Variants in GNG4 observed in about 807,000 individuals in gnomAD.
The protein encoded by GNG4 is guanine nucleotide-binding protein G(I)/G(S)/G(O) subunit gamma-4.
In GNG4, 4 loss-of-function variants were observed where a neutral mutation model predicts 5.8. The ratio of observed to expected loss-of-function variants is 0.69; its 90% CI spans 0.34 to 1.57. The LOEUF (loss-of-function observed/expected upper bound fraction) is 1.57, where lower values mean the gene tolerates loss of function less well. Among genes scored for constraint, GNG4 ranks in the 40% most tolerant of loss-of-function variants. GNG4 has a pLI of 0.06. For synonymous variants in GNG4, 29 were observed against 32.9 expected (o/e 0.88, Z 0.41); for missense variants, 96 against 95.1 (o/e 1.01, Z -0.04).
At position 235,648,821 on chromosome 1, in the gene GNG4, C is replaced by A. The variant is rs978990632; in HGVS notation, c.-123+841G>T. On this transcript the variant is annotated intron_variant, in intron 1 of 3. Coordinates refer to ENST00000391854, the MANE Select transcript of GNG4 (RefSeq NM_001098722.2). The surrounding 1 kb of genome is among the most constrained non-coding windows in gnomAD (Gnocchi z 5.0). Reference sequence around the variant, plus strand: ...GGGGCCGGGGAGACGGTGGGAGGCCCGGCGTCCATCATCCACTTTATTACT... The same window carrying A: ...GGGGCCGGGGAGACGGTGGGAGGCCAGGCGTCCATCATCCACTTTATTACT... Among the ~76,000 whole-genome samples, 7 of 152,164 alleles carry A rather than the reference C, an allele frequency of 4.6e-5. No individual in the cohort carries two copies. Among genetic ancestry groups the A allele is most frequent in the African/African-American group, 1.7e-4 (7 of 41,438 alleles).
intron 2 of GNG4, among the ~76,000 whole-genome samples, chr1:235,595,142 G>C (rs577712432): frequency 6.6e-6 from 1 of 152,178 alleles, no homozygotes; most frequent in African/African-American, 2.4e-5. Context: ...CTCCTCCCCT[G>C]CTCCCCCAAC....
chr1:235,627,165 T>G (rs2102980443), intron 1 of GNG4, among the ~76,000 whole-genome samples: 1 of 152,092 alleles, frequency 6.6e-6, no homozygotes, highest in Non-Finnish European at 1.5e-5. Context: ...CCTGGGGTTT[T>G]CACACCTGTG....
chr1:235,611,281 C>A (rs565875003), intron 1 of GNG4, among the ~76,000 whole-genome samples: 1 of 151,914 alleles, frequency 6.6e-6, no homozygotes, highest in Non-Finnish European at 1.5e-5. Context: ...GATCCTCCCA[C>A]CTCAGCCACC....
At chr1:235,627,239 T>C (rs1688835212) in intron 1 of GNG4, among the ~76,000 whole-genome samples, 1 of 152,020 alleles carries the variant, frequency 6.6e-6, no homozygotes, top group Non-Finnish European at 1.5e-5. Context: ...TTTTGTTTTT[T>C]TGAGACAGAG....
chr1:235,575,577 A>G (rs543557072), intron 3 of GNG4, among the ~76,000 whole-genome samples: 1 of 152,252 alleles, frequency 6.6e-6, no homozygotes, highest in Non-Finnish European at 1.5e-5. Context: ...CCTTGTAGGA[A>G]TTGTGAGCAC....
chr1:235,588,635 C>G (rs978908175), intron 2 of GNG4, among the ~76,000 whole-genome samples: 2 of 152,114 alleles, frequency 1.3e-5, no homozygotes, highest in Admixed American at 6.5e-5. Context: ...CATCCACAAT[C>G]CAGCCTCTGC....
intron 1 of GNG4, among the ~76,000 whole-genome samples, chr1:235,640,407 G>C (rs1245712069): frequency 6.6e-6 from 1 of 152,186 alleles, no homozygotes; most frequent in African/African-American, 2.4e-5. Flanking sequence ...CAGGGGATGA[G>C]GCCCAAGAAG....
intron 3 of GNG4, among the ~76,000 whole-genome samples, chr1:235,563,767 A>G (rs1188536416): frequency 6.6e-6 from 1 of 152,212 alleles, no homozygotes; most frequent in Non-Finnish European, 1.5e-5. Flanking sequence ...GGGAAAAGAC[A>G]TTAGGAGCTT....
intron 3 of GNG4, among the ~76,000 whole-genome samples, chr1:235,574,760 A>G (rs933749251): frequency 1.2e-4 from 18 of 151,728 alleles, no homozygotes; most frequent in African/African-American, 4.4e-4. Context: ...TTTTCTCTAC[A>G]TTTTTCTTAG....
chr1:235,634,520 G>A (rs1023723031), intron 1 of GNG4, among the ~76,000 whole-genome samples: 4 of 152,170 alleles, frequency 2.6e-5, no homozygotes, highest in African/African-American at 4.8e-5. Flanking sequence ...AGTCATTTGC[G>A]CAGATGGGCT....
chr1:235,552,281 G>T (rs1158274194), intron 3 of GNG4, 44 bp from the exon 4 acceptor site: 16 of 1,599,844 alleles, frequency 1.0e-5, no homozygotes, highest in Non-Finnish European at 1.4e-5. Flanking sequence ...AGGCCCCTTT[G>T]CAGAGTGAGT....
chr1:235,573,329 TGGGGGGA>T (rs1266495440), intron 3 of GNG4, among the ~76,000 whole-genome samples: 1 of 38,938 alleles, frequency 2.6e-5, no homozygotes. Flanking sequence ...TGTCAAGGGG[TGGGGGGA>T]GGGGGGAGGG....
chr1:235,580,894 G>A (rs964885538), intron 3 of GNG4, among the ~76,000 whole-genome samples: 1 of 151,974 alleles, frequency 6.6e-6, no homozygotes, highest in Non-Finnish European at 1.5e-5. Context: ...GGGATTACAG[G>A]CACACGTCAC....
chr1:235,607,998 C>T (rs570869677), intron 1 of GNG4, among the ~76,000 whole-genome samples: 2 of 148,378 alleles, frequency 1.3e-5, no homozygotes, highest in African/African-American at 2.5e-5. Flanking sequence ...AGTGCGGTGG[C>T]GTGATCTTGG....
rs918755597 is a variant in GNG4, at chr1:235,644,189, C to T, written c.-123+5473G>A. On this transcript the variant is annotated intron_variant, in intron 1 of 3. Coordinates refer to ENST00000391854, the MANE Select transcript of GNG4 (RefSeq NM_001098722.2). The surrounding 1 kb of genome is among the most constrained non-coding windows in gnomAD (Gnocchi z 5.9). ...AGAGGTCCAGATCAGCAAAAGAGGC[C>T]AGTGACTCTGTCTCCATCAGATAAA... is the stretch of plus-strand genomic sequence containing the variant. 1.3e-5 allele frequency among the ~76,000 whole-genome samples: 2 copies of T among 152,312 alleles called. No individual in the cohort carries two copies. The highest frequency in any genetic ancestry group is 2.9e-5 in the Non-Finnish European group (2 of 68,028).
chr1:235,643,034 G>A (rs1357314077), intron 1 of GNG4, among the ~76,000 whole-genome samples: 1 of 152,148 alleles, frequency 6.6e-6, no homozygotes, highest in Non-Finnish European at 1.5e-5. Flanking sequence ...GACTGACGCT[G>A]GGGCCGGGGC....
rs746653832 is a variant in GNG4, at chr1:235,644,882, T to A, written c.-123+4780A>T. 3.3e-5 allele frequency among the ~76,000 whole-genome samples: 5 copies of A among 152,080 alleles called. No individual in the cohort carries two copies. The highest frequency in any genetic ancestry group is 6.5e-5 in the Admixed American group (1 of 15,270). ...GAGGATGCCAGTTGTTGGGTGTAGCTGGACCTTCCTATAGACAGGGAGCCA... is the reference window on the plus strand; with the variant it reads ...GAGGATGCCAGTTGTTGGGTGTAGCAGGACCTTCCTATAGACAGGGAGCCA... On this transcript the variant is annotated intron_variant, in intron 1 of 3. Coordinates refer to ENST00000391854, the MANE Select transcript of GNG4 (RefSeq NM_001098722.2). This position sits in a 1 kb window ranked among gnomAD's most constrained non-coding sequence, Gnocchi z 5.9.
chr1:235,570,054 T>C (rs1687295575), intron 3 of GNG4, among the ~76,000 whole-genome samples: 1 of 152,224 alleles, frequency 6.6e-6, no homozygotes, highest in Non-Finnish European at 1.5e-5. Context: ...AGTTTGGACC[T>C]GCAGATTCAG....
intron 1 of GNG4, among the ~76,000 whole-genome samples, chr1:235,596,250 A>ACACC (rs1688124029): frequency 7.2e-6 from 1 of 139,146 alleles, no homozygotes; most frequent in African/African-American, 2.7e-5. Context: ...ACACACACAC[A>ACACC]CACCTGGCCG....
Sources: allele counts gnomAD v4.1 joint callset (sites outside exome capture counted in the v4.1 genomes callset), GRCh38; gene constraint gnomAD v4.1.1; non-coding constraint Gnocchi (gnomAD v3.1); transcripts MANE v1.5; gene names NCBI Gene and HGNC (gene_info 2026-07-23, HGNC 2026-07-21).